HNRNPDL: variants seen among roughly 807,000 people sequenced by gnomAD.
HNRNPDL encodes heterogeneous nuclear ribonucleoprotein D like, also known as heterogeneous nuclear ribonucleoprotein D-like.
HNRNPDL carries 18 observed loss-of-function variants against 48.0 expected under a neutral mutation model. That is an observed-to-expected ratio of 0.38 (90% confidence interval 0.26 to 0.56). HNRNPDL has a LOEUF of 0.56. HNRNPDL is among the 20% of genes least tolerant of loss of function. The pLI, the probability that HNRNPDL is intolerant of heterozygous loss-of-function variation, is 0.77. For missense variants in HNRNPDL, 553 were observed against 540.7 expected, an observed-to-expected ratio of 1.02 and a Z score of -0.23; for synonymous variants, 306 against 207.3, an observed-to-expected ratio of 1.48 and a Z score of -4.09.
At position 82,427,573 on chromosome 4, in the gene HNRNPDL, G is replaced by A. The variant is rs1721468779; in HGVS notation, c.775-9C>T. 6 of 1,606,522 alleles carry A rather than the reference G, an allele frequency of 3.7e-6. No homozygotes were observed. The highest frequency in any genetic ancestry group is 1.7e-5 in the Admixed American group (1 of 58,620). On this transcript the variant is annotated splice_polypyrimidine_tract_variant and intron_variant, in intron 3 of 7. Coordinates refer to ENST00000295470, the MANE Select transcript of HNRNPDL (RefSeq NM_031372.4). ...AGTTCAATATTTTCAATCTGAAATC[G>A]AGATGCACACTCAACGTCATCCCAT... is the stretch of plus-strand genomic sequence containing the variant.
rs1456505922 is a variant in HNRNPDL at position 82,422,831 on chromosome 4, C to T, written c.*2075G>A. 4 of 152,136 alleles carry T rather than the reference C, an allele frequency of 2.6e-5. No individual in the cohort carries two copies. Among genetic ancestry groups the T allele is most frequent in the African/African-American group, 9.7e-5 (4 of 41,428 alleles). 9.4% of individuals were successfully genotyped at this position (152,136 alleles called of 1,614,324 possible). ...GTCTAAACAATGTAAAAGGCAAATACGATGTAAAAAACATACACAGAGTAT... is the reference window on the plus strand; with the variant it reads ...GTCTAAACAATGTAAAAGGCAAATATGATGTAAAAAACATACACAGAGTAT... On this transcript the variant is annotated 3_prime_UTR_variant, in exon 8 of 8. Transcript: ENST00000295470.
intron 5 of HNRNPDL, among the ~76,000 whole-genome samples, 171 bp downstream of exon 5, chr4:82,427,019 A>C (rs970893315): frequency 6.6e-6 from 1 of 152,184 alleles, no homozygotes; most frequent in Non-Finnish European, 1.5e-5. Context: ...TTTTGAAACC[A>C]GTGAGCTCAC....
At chr4:82,425,874 A>G (rs985489555) in intron 7 of HNRNPDL, 163 bp downstream of exon 7, 1 of 555,546 alleles carries the variant, frequency 1.8e-6, no homozygotes, top group African/African-American at 1.9e-5. Flanking sequence ...TTAAAGTTAA[A>G]GATCTATAGA....
rs1321725724 is a variant in HNRNPDL at position 82,423,196 on chromosome 4, A to G, written c.*1710T>C. 2 of 152,230 alleles carry G rather than the reference A, an allele frequency of 1.3e-5. No individual in the cohort carries two copies. Among genetic ancestry groups the G allele is most frequent in the Admixed American group, 1.3e-4 (2 of 15,282 alleles). The allele number at this position is 152,230 out of a possible 1,614,324, so 9.4% of individuals were successfully genotyped here. ...CAGTCATACATATCAAGACTTGATT[A>G]AAAGTTTGGATTTTGTTTAAAAAGG... On this transcript the variant is annotated 3_prime_UTR_variant, in exon 8 of 8. Coordinates refer to ENST00000295470, the MANE Select transcript of HNRNPDL (RefSeq NM_031372.4).
intron 7 of HNRNPDL, 135 bp downstream of exon 7, chr4:82,425,902 G>T: frequency 1.6e-6 from 1 of 611,932 alleles, no homozygotes; most frequent in South Asian, 2.2e-5. Flanking sequence ...GGCAAAACAG[G>T]CTCATAAAGC....
intron 7 of HNRNPDL, chr4:82,425,116 T>A (rs1351886461): frequency 6.6e-6 from 1 of 152,180 alleles, no homozygotes; most frequent in Non-Finnish European, 1.5e-5. Flanking sequence ...AACCTTCCCA[T>A]ATTCAGAGGT....
intron 4 of HNRNPDL, 37 bp downstream of exon 4, chr4:82,427,396 A>G: frequency 6.5e-7 from 1 of 1,543,388 alleles, no homozygotes; most frequent in Non-Finnish European, 8.8e-7. Context: ...TATTTCAATT[A>G]TTTAAATTTT....
At position 82,429,313 on chromosome 4, in the gene HNRNPDL, G is replaced by A; in HGVS notation, c.378C>T (p.Tyr126=). Reference sequence around the variant, plus strand: ...CCTCTGCGAATTCCTCTATATTGCTGTACTCGTTCATATCCTCCATAGTGA... The same window carrying A: ...CCTCTGCGAATTCCTCTATATTGCTATACTCGTTCATATCCTCCATAGTGA... ...SSVTMEDMNE[Y]SNIEEFAEGS... is the part of the protein sequence containing the mutation. Residue 126 remains tyrosine, a synonymous_variant, in exon 1 of 8, where the codon TAC becomes TAT. Coordinates refer to ENST00000295470, the MANE Select transcript of HNRNPDL (RefSeq NM_031372.4). 6.2e-7 allele frequency: 1 copy of A among 1,613,896 alleles called. No homozygotes were observed.
Position 82,429,357 on chromosome 4 carries a change from G to C in HNRNPDL, c.334C>G (p.Pro112Ala). The C allele has an allele frequency of 6.2e-7, 1 of 1,613,654 alleles. No homozygotes were observed. Among genetic ancestry groups the C allele is most frequent in the Admixed American group, 1.7e-5 (1 of 60,022 alleles). Residue 112 changes from proline (P) to alanine (A), a missense_variant, in exon 1 of 8, where the codon CCC (proline) becomes GCC (alanine). Pro to Ala is a conservative substitution (Grantham distance 27). This residue lies in a region of HNRNPDL where 327 missense variants were observed against 203.2 expected (regional missense o/e 1.61). Coordinates refer to ENST00000295470, the MANE Select transcript of HNRNPDL (RefSeq NM_031372.4). ...AAATRTARQH[P>A]PADSSVTMED... ...ATAGTGACGGAGCTGTCGGCAGGGG[G>C]GTGCTGGCGCGCAGTCCGGGTCGCG... is the stretch of plus-strand genomic sequence containing the variant.
chr4:82,429,263 T>C lies in HNRNPDL; in HGVS notation c.428A>G (p.Asn143Ser). The change falls in exon 1 of 8, where the codon AAT (asparagine) becomes AGT (serine). Residue 143 changes from asparagine (N) to serine (S), a missense_variant. By Grantham distance (46) the Asn-to-Ser change is conservative. Around this residue, in one of 4 missense-constraint regions of HNRNPDL, gnomAD observed 43 missense variants for 104.0 expected, o/e 0.41. Transcript: ENST00000295470. ...CGTGCGGTACCCGTCATCCTGCTGA[T>C]TCTTGCTCGCGTTGATCTTGGATCC... ...AEGSKINASKNQQDDGKMFIG... is the reference protein window; with the variant it reads ...AEGSKINASKSQQDDGKMFIG... 1 of 1,613,516 alleles carries C rather than the reference T, an allele frequency of 6.2e-7. No individual in the cohort carries two copies. Among genetic ancestry groups the C allele is most frequent in the Non-Finnish European group, 8.5e-7 (1 of 1,179,878 alleles).
At chr4:82,428,933 G>A (rs1721544935) in intron 1 of HNRNPDL, among the ~76,000 whole-genome samples, 5 of 152,222 alleles carry the variant, frequency 3.3e-5, no homozygotes, top group Non-Finnish European at 5.9e-5. Context: ...ACAATGAAGA[G>A]GCGGCGGCAG....
rs1317573266 is a variant in HNRNPDL, at chr4:82,429,608, G to C, written c.83C>G (p.Ser28Cys). ...CCGCGGCGGCCGCGGCCGCCAATGGGAGAGGCTGCGGGAGGCTAAAGTAGC... is the reference window on the plus strand; with the variant it reads ...CCGCGGCGGCCGCGGCCGCCAATGGCAGAGGCTGCGGGAGGCTAAAGTAGC... ...APATLASRSLSHWRPRPPRQL... is the reference protein window; with the variant it reads ...APATLASRSLCHWRPRPPRQL... Residue 28 changes from serine (S) to cysteine (C), a missense_variant, in exon 1 of 8, where the codon TCC becomes TGC. Coordinates refer to ENST00000295470, the MANE Select transcript of HNRNPDL (RefSeq NM_031372.4). 6 of 1,383,486 alleles carry C rather than the reference G, an allele frequency of 4.3e-6. No individual in the cohort carries two copies. Among genetic ancestry groups the C allele is most frequent in the Admixed American group, 3.9e-5 (1 of 25,806 alleles). 85.7% of individuals were successfully genotyped at this position (1,383,486 alleles called of 1,614,324 possible).
In HNRNPDL at chr4:82,428,193, T is replaced by G; in HGVS notation, c.613-14A>C. 1 of 1,612,824 alleles carries G rather than the reference T, an allele frequency of 6.2e-7. No individual in the cohort carries two copies. The highest frequency in any genetic ancestry group is 1.1e-5 in the South Asian group (1 of 90,974). ...CAGTTCCAAAACCTACAAGACAGAT[T>G]TATTTAATCTGACAGCACCATATAA... On this transcript the variant is annotated splice_polypyrimidine_tract_variant and intron_variant, in intron 2 of 7. Transcript: ENST00000295470.
In HNRNPDL at chr4:82,430,394, C is replaced by G. The variant is rs1721685754; in HGVS notation, c.-704G>C. The stretch of plus-strand genomic sequence containing the variant: ...CTTTCTGCACGTGCCCCGGGCCTCT[C>G]CCGCTCGCTCAACCTGTCTGCGGAG... On this transcript the variant is annotated 5_prime_UTR_variant, in exon 1 of 8. Transcript: ENST00000295470. 1 of 179,402 alleles carries G rather than the reference C, an allele frequency of 5.6e-6. No individual in the cohort carries two copies. Among genetic ancestry groups the G allele is most frequent in the African/African-American group, 2.4e-5 (1 of 41,818 alleles). The allele number at this position is 179,402 out of a possible 1,614,324, so 11.1% of individuals were successfully genotyped here.
chr4:82,426,249 C>T, intron 6 of HNRNPDL, 120 bp from the exon 7 acceptor site: 1 of 986,844 alleles, frequency 1.0e-6, no homozygotes, highest in Non-Finnish European at 1.6e-6. Flanking sequence ...GATATTTTAG[C>T]ACCCATTAGA....
rs1180094087 is a variant in HNRNPDL at position 82,423,153 on chromosome 4, ATGTAG to A, written c.*1748_*1752del. 1 of 152,158 alleles carries A rather than the reference ATGTAG, an allele frequency of 6.6e-6. No individual in the cohort carries two copies. Among genetic ancestry groups the A allele is most frequent in the Non-Finnish European group, 1.5e-5 (1 of 68,034 alleles). 9.4% of individuals were successfully genotyped at this position (152,158 alleles called of 1,614,324 possible). A position where few individuals can be genotyped will look rare whatever the true frequency, so the allele number is the denominator to read the frequency against. Reference sequence around the variant, plus strand: ...TGCAAAACATCTCAATCATCTCTAGATGTAGTGTATTTTTTCTCAGTCATACATAT... The same window carrying A: ...TGCAAAACATCTCAATCATCTCTAGATGTATTTTTTCTCAGTCATACATAT... On this transcript the variant is annotated 3_prime_UTR_variant, in exon 8 of 8. Coordinates refer to ENST00000295470, the MANE Select transcript of HNRNPDL (RefSeq NM_031372.4).
At position 82,429,538 on chromosome 4, in the gene HNRNPDL, C is replaced by T. The variant is rs370944367; in HGVS notation, c.153G>A (p.Arg51=). The T allele has an allele frequency of 9.9e-5, 146 of 1,477,828 alleles. No homozygotes were observed. The African/African-American group carries it at 1.8e-3, about 19-fold the overall frequency. The allele number at this position is 1,477,828 out of a possible 1,614,324, so 91.5% of individuals were successfully genotyped here. ...GGCGCTGGGCCCGGCGCGCCCCCTG[C>T]CGGGCGGAGCTGGGAGCGAGCGAAG... The part of the protein sequence containing the change: ...LLPSLAPSSA[R]QGARRAQRHV... The change falls in exon 1 of 8, where the codon CGG becomes CGA. Residue 51 remains arginine, a synonymous_variant. Coordinates refer to ENST00000295470, the MANE Select transcript of HNRNPDL (RefSeq NM_031372.4).
At position 82,427,303 on chromosome 4, in the gene HNRNPDL, C is replaced by A. The variant is rs1221914563; in HGVS notation, c.908G>T (p.Cys303Phe). ...TTTGGGTTGTGCAACTTTGATTTCA[C>A]ACTATAAACAAAAAACATGAAAGTA... ...SRYHQIGSGK[C>F]EIKVAQPKEV... is the part of the protein sequence containing the mutation. Residue 303 changes from cysteine (C) to phenylalanine (F), a missense_variant and splice_region_variant, in exon 5 of 8, where the codon TGT becomes TTT. Coordinates refer to ENST00000295470, the MANE Select transcript of HNRNPDL (RefSeq NM_031372.4). 1.9e-6 allele frequency: 3 copies of A among 1,575,112 alleles called. No homozygotes were observed. The highest frequency in any genetic ancestry group is 2.6e-6 in the Non-Finnish European group (3 of 1,164,250).
intron 5 of HNRNPDL, 125 bp downstream of exon 5, chr4:82,427,065 G>A (rs571788292): frequency 2.6e-6 from 2 of 772,936 alleles, no homozygotes; most frequent in South Asian, 1.5e-5. Context: ...CCACTAAGCT[G>A]AACAGTCCCC....
Sources: allele counts gnomAD v4.1 joint callset (sites outside exome capture counted in the v4.1 genomes callset), GRCh38; gene constraint gnomAD v4.1.1; regional missense constraint gnomAD v4.1.1; transcripts MANE v1.5; gene names NCBI Gene and HGNC (gene_info 2026-07-23, HGNC 2026-07-21).